ZSCAN5C: variants seen among roughly 807,000 people sequenced by gnomAD.
ZSCAN5C encodes the protein zinc finger and SCAN domain-containing protein 5C.
ZSCAN5C carries 11 observed loss-of-function variants against 17.3 expected under a neutral mutation model. The ratio of observed to expected loss-of-function variants is 0.64; its 90% CI spans 0.40 to 1.06. The LOEUF is 1.06. ZSCAN5C is among the 50% of genes least tolerant of loss of function. The pLI, the probability that ZSCAN5C is intolerant of heterozygous loss-of-function variation, is 0.00. For missense variants in ZSCAN5C, 698 were observed against 538.9 expected, an observed-to-expected ratio of 1.30 and a Z score of -2.92; for synonymous variants, 229 against 208.4, an observed-to-expected ratio of 1.10 and a Z score of -0.85.
rs1277941651 is a variant in ZSCAN5C, at chr19:56,205,934, C to T, written c.21C>T (p.Ser7=). The T allele has an allele frequency of 3.2e-6, 4 of 1,260,766 alleles. No individual in the cohort carries two copies. In the Admixed American group the frequency reaches 5.1e-5, roughly 16 times the overall value. 78.1% of individuals were successfully genotyped at this position (1,260,766 alleles called of 1,614,324 possible). The change falls in exon 2 of 5, where the codon TCC becomes TCT. Residue 7 remains serine, a synonymous_variant. Coordinates refer to ENST00000534327, the Ensembl canonical transcript of ZSCAN5C. ...TAGACATGGCTGCAAATTGCACATC[C>T]TCATGGAGTCTAGGAGAATCCTGCA...
At chr19:56,206,181 G>C (rs2032919196) in exon 2 of ZSCAN5C, 3 of 1,598,540 alleles carry the variant, frequency 1.9e-6, no homozygotes, top group Non-Finnish European at 1.7e-6. Context: ...GCTGGTGATG[G>C]AGCAGTTCAT....
Position 56,207,009 on chromosome 19 carries a change from C to G in ZSCAN5C, c.385-50C>G, listed in dbSNP as rs1399167113. On this transcript the variant is annotated intron_variant, in intron 2 of 4. Transcript: ENST00000534327. The stretch of plus-strand genomic sequence containing the variant: ...TGGCAGGACCCAGGGAATATGAGAG[C>G]TACTTTCAGGTTCTCATAGTTAGTC... 4 of 682,342 alleles carry G rather than the reference C, an allele frequency of 5.9e-6. No individual in the cohort carries two copies. In the Admixed American group the frequency reaches 6.1e-5, roughly 10 times the overall value. The allele number at this position is 682,342 out of a possible 1,614,324, so 42.3% of individuals were successfully genotyped here. A position where few individuals can be genotyped will look rare whatever the true frequency, so the allele number is the denominator to read the frequency against.
exon 5 of ZSCAN5C, chr19:56,208,703 C>G (rs765629132): frequency 6.2e-7 from 1 of 1,612,486 alleles, no homozygotes; most frequent in Non-Finnish European, 8.5e-7. Context: ...TGAGATCAAT[C>G]CAGTTCATTC....
chr19:56,206,379 G>A (rs913951607), intron 2 of ZSCAN5C, 82 bp downstream of exon 2: 49 of 1,437,234 alleles, frequency 3.4e-5, no homozygotes, highest in Admixed American at 1.7e-4. Context: ...GAGAGGACCC[G>A]AGGGGCTGCT....
At chr19:56,206,861 G>C (rs2032926854) in intron 2 of ZSCAN5C, among the ~76,000 whole-genome samples, 198 bp from the exon 3 acceptor site, 1 of 151,880 alleles carries the variant, frequency 6.6e-6, no homozygotes, top group Non-Finnish European at 1.5e-5. Context: ...TTGGTTTAGA[G>C]ACCCTTTCAT....
At chr19:56,203,640 A>ATTTTTTTTTTTTTTT (rs564406569) in intron 1 of ZSCAN5C, among the ~76,000 whole-genome samples, 1 of 86,816 alleles carries the variant, frequency 1.2e-5, no homozygotes, top group Non-Finnish European at 2.1e-5. Flanking sequence ...TCTACTGGGA[A>ATTTTTTTTTTTTTTT]TTTTTTTTTT....
intron 1 of ZSCAN5C, 97 bp downstream of exon 1, chr19:56,202,419 T>C (rs2032882143): frequency 6.6e-6 from 1 of 151,888 alleles, no homozygotes; most frequent in Non-Finnish European, 1.5e-5. Flanking sequence ...TCAGAAAGAT[T>C]TGGGTTGGGG....
chr19:56,207,526 A>G (rs12691095), intron 3 of ZSCAN5C, among the ~76,000 whole-genome samples: 1 of 151,070 alleles, frequency 6.6e-6, no homozygotes, highest in Admixed American at 6.6e-5. Flanking sequence ...CAGTTGGCAC[A>G]GATGAATGAA....
chr19:56,202,630 A>G (rs139061119), intron 1 of ZSCAN5C, among the ~76,000 whole-genome samples: 1 of 151,996 alleles, frequency 6.6e-6, no homozygotes, highest in African/African-American at 2.4e-5. Flanking sequence ...CATTGCCCAG[A>G]CTAGACTGGA....
rs374141251 is a variant in ZSCAN5C at position 56,203,327 on chromosome 19, C to T, written c.-128+1005C>T. On this transcript the variant is annotated intron_variant, in intron 1 of 4. Transcript: ENST00000534327. ...TTTAAATTGAAAAACAAGAAAGATA[C>T]GTATTTATGGTGTACAGCATAATGT... is the stretch of plus-strand genomic sequence containing the variant. 4.4e-4 allele frequency among the ~76,000 whole-genome samples: 66 copies of T among 151,706 alleles called. 2 individuals are homozygous for T. The highest frequency in any genetic ancestry group is 1.4e-3 in the African/African-American group (57 of 41,106).
intron 1 of ZSCAN5C, among the ~76,000 whole-genome samples, chr19:56,205,552 T>G (rs73065794): frequency 0.06 from 9,158 of 151,952 alleles, 441 homozygotes; most frequent in East Asian, 0.22. Context: ...GGAAAACCAA[T>G]TCAGCCTTTG....
intron 4 of ZSCAN5C, 130 bp from the exon 5 acceptor site, chr19:56,208,319 A>C (rs2146341187): frequency 1.4e-6 from 1 of 714,880 alleles, no homozygotes; most frequent in African/African-American, 1.8e-5. Flanking sequence ...CTCTCCAGAG[A>C]CCTACAGTCC....
In ZSCAN5C at chr19:56,208,544, A is replaced by T; in HGVS notation, c.835A>T (p.Arg279Ter). ...CACACCTTCTGCCTGCGTTGTGGAGAGAGAAGCTTCGACTCACAGCGGGAG... is the reference window on the plus strand; with the variant it reads ...CACACCTTCTGCCTGCGTTGTGGAGTGAGAAGCTTCGACTCACAGCGGGAG... The change falls in exon 5 of 5, where the codon AGA becomes TGA. Residue 279 changes from arginine (R) to a stop codon, truncating the protein, a stop_gained. Coordinates refer to ENST00000534327, the Ensembl canonical transcript of ZSCAN5C. LOFTEE classifies it low-confidence loss of function (END_TRUNC). The T allele has an allele frequency of 6.3e-7, 1 of 1,590,156 alleles. No individual in the cohort carries two copies. The highest frequency in any genetic ancestry group is 8.6e-7 in the Non-Finnish European group (1 of 1,159,500).
intron 1 of ZSCAN5C, among the ~76,000 whole-genome samples, chr19:56,204,407 C>A (rs909698295): frequency 2.0e-5 from 3 of 151,544 alleles, no homozygotes; most frequent in Non-Finnish European, 4.4e-5. Flanking sequence ...AACAGCCACT[C>A]TAGCAGGCGT....
exon 5 of ZSCAN5C, chr19:56,208,699 C>G (rs746470341): frequency 1.6e-5 from 25 of 1,612,510 alleles, no homozygotes; most frequent in Non-Finnish European, 2.0e-5. Context: ...AAGCTGAGAT[C>G]AATCCAGTTC....
At chr19:56,206,185 A>C (rs1318355766) in exon 2 of ZSCAN5C, 2 of 1,596,224 alleles carry the variant, frequency 1.3e-6, no homozygotes, top group Admixed American at 1.7e-5. Context: ...GTGATGGAGC[A>C]GTTCATGATC....
intron 2 of ZSCAN5C, 89 bp downstream of exon 2, chr19:56,206,386 T>G (rs970813223): frequency 1.5e-5 from 22 of 1,437,656 alleles, no homozygotes; most frequent in Non-Finnish European, 2.0e-5. Flanking sequence ...CCCGAGGGGC[T>G]GCTCTAGGTC....
At chr19:56,207,970 A>G in intron 3 of ZSCAN5C, 64 bp from the exon 4 acceptor site, 1 of 667,352 alleles carries the variant, frequency 1.5e-6, no homozygotes, top group South Asian at 1.7e-5. Flanking sequence ...AGTCAGGAAA[A>G]AGCAGACATG....
downstream of ZSCAN5C, chr19:56,209,255 C>T (rs2032963514): frequency 1.6e-6 from 1 of 629,970 alleles, no homozygotes; most frequent in African/African-American, 1.8e-5. Context: ...AGATTTTTCA[C>T]CGATGTTGTC....
Sources: gnomAD v4.1 joint callset for allele counts (sites outside exome capture counted in the v4.1 genomes callset) on GRCh38, gnomAD v4.1.1 for gene constraint, MANE v1.5 for transcripts, NCBI Gene and HGNC (gene_info 2026-07-23, HGNC 2026-07-21) for gene names.